ARHGAP40: variants seen among roughly 807,000 people sequenced by gnomAD.
ARHGAP40 encodes the protein rho GTPase-activating protein 40.
In ARHGAP40, 43 loss-of-function variants were observed where a neutral mutation model predicts 73.5. The observed-to-expected ratio is 0.58, with a 90% CI of 0.46 to 0.75. The LOEUF (loss-of-function observed/expected upper bound fraction) is 0.75. Ranked by LOEUF, ARHGAP40 falls within the 30% of genes least tolerant of loss-of-function variation. ARHGAP40 has a pLI of 0.00. For synonymous variants in ARHGAP40, 300 were observed against 352.8 expected, an observed-to-expected ratio of 0.85 and a Z score of 1.68; for missense variants, 734 against 861.8, an observed-to-expected ratio of 0.85 and a Z score of 1.86.
At chr20:38,641,290 G>A (rs75543653) in intron 9 of ARHGAP40, among the ~76,000 whole-genome samples, 2,190 of 152,160 alleles carry the variant, frequency 0.014, 52 homozygotes, top group African/African-American at 0.05. Flanking sequence ...TCCTCTCCCC[G>A]GAGATCCTGA....
chr20:38,633,753 C>T (rs1601145190), intron 5 of ARHGAP40, among the ~76,000 whole-genome samples: 2 of 152,252 alleles, frequency 1.3e-5, no homozygotes, highest in East Asian at 1.9e-4. Flanking sequence ...CGCTTGCCTT[C>T]TCTGACCTTG....
intron 9 of ARHGAP40, 73 bp from the exon 10 acceptor site, chr20:38,641,653 C>A: frequency 8.7e-7 from 1 of 1,143,244 alleles, no homozygotes; most frequent in Non-Finnish European, 1.1e-6. Flanking sequence ...TGGAATTTCC[C>A]CAAGAAGAGA....
Position 38,629,654 on chromosome 20 carries a change from A to T in ARHGAP40, c.783+4A>T. ...CTGGGGCAAGTGTTCCCTGCCGGTG[A>T]GGATGCTGTCCACAGGGCTGGTTGG... On this transcript the variant is annotated splice_donor_region_variant and intron_variant, in intron 5 of 14. Transcript: ENST00000373345. The T allele has an allele frequency of 7.7e-7, 1 of 1,305,324 alleles. No individual in the cohort carries two copies. The highest frequency in any genetic ancestry group is 1.0e-6 in the Non-Finnish European group (1 of 988,898). The allele number at this position is 1,305,324 out of a possible 1,614,324, so 80.9% of individuals were successfully genotyped here.
chr20:38,646,049 C>A lies in ARHGAP40; in HGVS notation c.1572C>A (p.Val524=). 1 of 1,302,838 alleles carries A rather than the reference C, an allele frequency of 7.7e-7. No individual in the cohort carries two copies. The highest frequency in any genetic ancestry group is 1.0e-6 in the Non-Finnish European group (1 of 988,020). 80.7% of individuals were successfully genotyped at this position (1,302,838 alleles called of 1,614,324 possible). The change falls in exon 12 of 15, where the codon GTC becomes GTA. Residue 524 remains valine, a splice_region_variant and synonymous_variant. Transcript: ENST00000373345. The surrounding 1 kb of genome is among the most constrained non-coding windows in gnomAD (Gnocchi z 4.5). The stretch of plus-strand genomic sequence containing the variant: ...AAAACTTGATCCTTTCTGGCCAGGT[C>A]GCCTCTTTCCTGGTCGCCCAGGTGC...
At chr20:38,621,459 A>G (rs1423699779) in intron 1 of ARHGAP40, among the ~76,000 whole-genome samples, 1 of 152,198 alleles carries the variant, frequency 6.6e-6, no homozygotes, top group African/African-American at 2.4e-5. Context: ...GCTCCTCAGC[A>G]AAGAGCTATC....
At chr20:38,611,250 G>A (rs967165273) in intron 1 of ARHGAP40, among the ~76,000 whole-genome samples, 1 of 152,050 alleles carries the variant, frequency 6.6e-6, no homozygotes, top group Admixed American at 6.5e-5. Context: ...AAAGGGAGGA[G>A]CGTATAATGA....
exon 11 of ARHGAP40, chr20:38,643,768 A>T (rs1478961208): frequency 7.7e-7 from 1 of 1,305,858 alleles, no homozygotes; most frequent in Non-Finnish European, 1.0e-6. Flanking sequence ...ACTCTGAGGA[A>T]TGTTTCCACC....
intron 2 of ARHGAP40, among the ~76,000 whole-genome samples, chr20:38,625,307 C>T (rs11696570): frequency 0.22 from 33,502 of 152,162 alleles, 4,496 homozygotes; most frequent in Non-Finnish European, 0.3. Context: ...CAGAGAGAAG[C>T]CACTTTGAGC....
At chr20:38,608,193 A>G (rs2088783380) in intron 1 of ARHGAP40, among the ~76,000 whole-genome samples, 1 of 146,948 alleles carries the variant, frequency 6.8e-6, no homozygotes, top group African/African-American at 2.5e-5. Flanking sequence ...TTCTCATTAA[A>G]CCCTAATACA....
At chr20:38,614,851 G>A (rs1399185562) in intron 1 of ARHGAP40, 2 of 907,732 alleles carry the variant, frequency 2.2e-6, no homozygotes, top group Admixed American at 3.7e-5. Context: ...CCAGAACCAT[G>A]AGTACCTCAT....
Position 38,641,314 on chromosome 20 carries a change from A to G in ARHGAP40, c.1280-412A>G, listed in dbSNP as rs567417817. On this transcript the variant is annotated intron_variant, in intron 9 of 14. Coordinates refer to ENST00000373345, the Ensembl canonical transcript of ARHGAP40. ...CGGAGATCCTGACACCAGGTGTGAG[A>G]CAGCTTTTCCTTTTCAACCCTCACA... Among the ~76,000 whole-genome samples the G allele has an allele frequency of 2.6e-5, 4 of 152,242 alleles. No individual in the cohort carries two copies. The East Asian group carries it at 7.8e-4, about 30-fold the overall frequency.
At chr20:38,649,259 T>G (rs2089072720) in intron 14 of ARHGAP40, among the ~76,000 whole-genome samples, 1 of 152,192 alleles carries the variant, frequency 6.6e-6, no homozygotes, top group Admixed American at 6.5e-5. Flanking sequence ...GAGTTGCAGA[T>G]GCTGCTGGTC....
At chr20:38,630,866 CT>C (rs895524862) in intron 5 of ARHGAP40, among the ~76,000 whole-genome samples, 147 of 152,268 alleles carry the variant, frequency 9.7e-4, no homozygotes, top group African/African-American at 3.4e-3. Flanking sequence ...TTCACAGTCC[CT>C]CTATTACTAA....
At chr20:38,638,788 C>T (rs1282143249) in exon 8 of ARHGAP40, 1 of 1,305,438 alleles carries the variant, frequency 7.7e-7, no homozygotes, top group East Asian at 5.5e-5. Context: ...AAAGAGAGGA[C>T]TGGACATGGA....
intron 8 of ARHGAP40, 47 bp downstream of exon 8, chr20:38,638,885 G>A (rs1385080586): frequency 7.8e-7 from 1 of 1,284,984 alleles, no homozygotes; most frequent in South Asian, 1.2e-5. Flanking sequence ...TCTCCCCCAT[G>A]CTCACATGTG....
At chr20:38,610,637 C>A (rs1213437767) in intron 1 of ARHGAP40, among the ~76,000 whole-genome samples, 3 of 152,182 alleles carry the variant, frequency 2.0e-5, no homozygotes, top group Non-Finnish European at 2.9e-5. Flanking sequence ...CCGGGGCTTA[C>A]AGATTATACG....
chr20:38,627,230 G>A lies in ARHGAP40; in HGVS notation c.558+15G>A. On this transcript the variant is annotated intron_variant, in intron 3 of 14. Transcript: ENST00000373345. ...TCAATTCAGGGGTAAGTGGCATATG[G>A]GTCATTGCAGGCCCCGTCTGACTGG... 2.3e-6 allele frequency: 3 copies of A among 1,303,396 alleles called. No individual in the cohort carries two copies. Among genetic ancestry groups the A allele is most frequent in the Non-Finnish European group, 2.0e-6 (2 of 987,372 alleles). The allele number at this position is 1,303,396 out of a possible 1,614,324, so 80.7% of individuals were successfully genotyped here. A position where few individuals can be genotyped will look rare whatever the true frequency, so the allele number is the denominator to read the frequency against.
At chr20:38,635,493 G>A (rs2088969095) in intron 6 of ARHGAP40, among the ~76,000 whole-genome samples, 1 of 151,944 alleles carries the variant, frequency 6.6e-6, no homozygotes, top group African/African-American at 2.4e-5. Flanking sequence ...GTGAGACCCT[G>A]TCTCTACAAA....
At chr20:38,614,940 C>T (rs1384158539) in intron 1 of ARHGAP40, 58 of 1,327,914 alleles carry the variant, frequency 4.4e-5, no homozygotes, top group South Asian at 2.1e-4. Flanking sequence ...GAGTACTCTC[C>T]GAAGGCTGGA....
Sources: allele counts gnomAD v4.1 joint callset (sites outside exome capture counted in the v4.1 genomes callset), GRCh38; gene constraint gnomAD v4.1.1; non-coding constraint Gnocchi (gnomAD v3.1); transcripts MANE v1.5; gene names NCBI Gene and HGNC (gene_info 2026-07-23, HGNC 2026-07-21).